ITIH5: variants seen among roughly 807,000 people sequenced by gnomAD.
ITIH5 encodes inter-alpha-trypsin inhibitor heavy chain 5.
ITIH5 carries 65 observed loss-of-function variants against 77.5 expected under a neutral mutation model. The observed-to-expected ratio is 0.84, with a 90% CI of 0.69 to 1.03. The LOEUF (loss-of-function observed/expected upper bound fraction) is 1.03, where lower values mean the gene tolerates loss of function less well. Ranked by LOEUF, ITIH5 falls within the 50% of genes least tolerant of loss-of-function variation. The probability of loss-of-function intolerance (pLI) is 0.00; values close to 1 mark genes in which losing one functional copy is unlikely to be tolerated. For synonymous variants in ITIH5, 525 were observed against 494.3 expected, an observed-to-expected ratio of 1.06 and a Z score of -0.82; for missense variants, 1,208 against 1,213.1, an observed-to-expected ratio of 1.00 and a Z score of 0.06.
chr10:7,654,871 G>T (rs968395317), intron 2 of ITIH5, among the ~76,000 whole-genome samples: 11 of 152,172 alleles, frequency 7.2e-5, no homozygotes, highest in Admixed American at 2.6e-4. Flanking sequence ...AAACATGAAA[G>T]AAGGAATACT....
At chr10:7,620,312 A>G (rs1185321202) in intron 5 of ITIH5, 1 of 152,254 alleles carries the variant, frequency 6.6e-6, no homozygotes, top group Non-Finnish European at 1.5e-5. Flanking sequence ...GTTGAACCTC[A>G]CAGTCTTCTT....
At chr10:7,563,527 T>C (rs957616434) in intron 13 of ITIH5, 143 bp from the exon 14 acceptor site, 2 of 708,736 alleles carry the variant, frequency 2.8e-6, no homozygotes, top group East Asian at 2.7e-5. Context: ...TGGAAGAACA[T>C]GTGCTCTGGG....
rs138148846 is a variant in ITIH5, at chr10:7,649,257, T to G, written c.135+6374A>C. The stretch of plus-strand genomic sequence containing the variant: ...TCCTTCTTTCTTCTTCCTCCTTTCT[T>G]CTTTCTTCCCCCTTCTTCTTCTTAT... On this transcript the variant is annotated intron_variant, in intron 2 of 13. Transcript: ENST00000397146. Among the ~76,000 whole-genome samples the G allele has an allele frequency of 9.1e-3, 1,383 of 152,110 alleles. 21 individuals are homozygous for G. Among genetic ancestry groups the G allele is most frequent in the African/African-American group, 0.031 (1,289 of 41,446 alleles).
chr10:7,616,926 G>C (rs11812212), intron 6 of ITIH5, among the ~76,000 whole-genome samples, 187 bp downstream of exon 6: 26,495 of 152,104 alleles, frequency 0.17, 2,502 homozygotes, highest in Admixed American at 0.26. Context: ...GCAGATTACT[G>C]AAGCTGGAAA....
chr10:7,582,734 C>T (rs1278082692), intron 8 of ITIH5, among the ~76,000 whole-genome samples: 2 of 152,140 alleles, frequency 1.3e-5, no homozygotes, highest in African/African-American at 4.8e-5. Context: ...TTAAGCCAGG[C>T]ACAGAAAGAC....
intron 7 of ITIH5, among the ~76,000 whole-genome samples, chr10:7,610,325 A>G (rs970394703): frequency 6.6e-6 from 1 of 152,140 alleles, no homozygotes; most frequent in African/African-American, 2.4e-5. Flanking sequence ...AGAACCAGAA[A>G]ATGCCAGAGG....
chr10:7,586,430 G>T (rs184076055), intron 7 of ITIH5, among the ~76,000 whole-genome samples: 3 of 152,304 alleles, frequency 2.0e-5, no homozygotes, highest in East Asian at 3.9e-4. Flanking sequence ...AGGCAAGTGT[G>T]CAAATTCTCT....
intron 10 of ITIH5, among the ~76,000 whole-genome samples, chr10:7,574,350 C>A (rs1832363506): frequency 6.6e-6 from 1 of 152,058 alleles, no homozygotes; most frequent in African/African-American, 2.4e-5. Context: ...GTGATCTGGG[C>A]AGAATGTAGA....
chr10:7,622,492 GT>G lies in ITIH5; in HGVS notation c.653-5211del, dbSNP rs754788818. The G allele has an allele frequency of 2.6e-5, 4 of 152,036 alleles. No individual in the cohort carries two copies. The South Asian group carries it at 8.3e-4, about 32-fold the overall frequency. The allele number at this position is 152,036 out of a possible 1,614,324, so 9.4% of individuals were successfully genotyped here. ...TCCATCCTCTTCCCCTTCAGAAGTA[GT>G]TTTTTGTACTTTGTCCATTATGAAA... On this transcript the variant is annotated intron_variant, in intron 5 of 13. Coordinates refer to ENST00000397146, the MANE Select transcript of ITIH5 (RefSeq NM_030569.7).
At chr10:7,659,578 G>A (rs1192618625) in intron 1 of ITIH5, among the ~76,000 whole-genome samples, 1 of 152,090 alleles carries the variant, frequency 6.6e-6, no homozygotes, top group Admixed American at 6.6e-5. Flanking sequence ...TGGTCAGAAG[G>A]AAAGCCCAGC....
Position 7,566,143 on chromosome 10 carries a change from G to T in ITIH5, c.2414C>A (p.Ala805Asp). 1 of 1,614,112 alleles carries T rather than the reference G, an allele frequency of 6.2e-7. No homozygotes were observed. The highest frequency in any genetic ancestry group is 8.5e-7 in the Non-Finnish European group (1 of 1,180,034). Residue 805 changes from alanine to aspartate, a missense_variant, in exon 13 of 14, where the codon GCC (alanine) becomes GAC (aspartate). Physicochemically the swap from Ala to Asp is moderately radical, Grantham distance 126. Coordinates refer to ENST00000397146, the MANE Select transcript of ITIH5 (RefSeq NM_030569.7). Reference protein sequence around the residue: ...NVTVTIQGSIAFVILIHLYKK... With the variant: ...NVTVTIQGSIDFVILIHLYKK... ...GTAGAGGTGGATGAGGATGACAAAG[G>T]CTATGGAGCCCTGGATGGTGACGGT...
chr10:7,600,016 T>C (rs183620981), intron 7 of ITIH5, among the ~76,000 whole-genome samples: 1 of 152,316 alleles, frequency 6.6e-6, no homozygotes, highest in African/African-American at 2.4e-5. Flanking sequence ...TTTCTTATCT[T>C]CCTTATTTGT....
rs5782989 is a variant in ITIH5 at position 7,610,069 on chromosome 10, C to CTT, written c.939+5911_939+5912dup. Among the ~76,000 whole-genome samples, 625 of 86,726 alleles carry CTT rather than the reference C, an allele frequency of 7.2e-3. 6 individuals are homozygous for CTT. Among genetic ancestry groups the CTT allele is most frequent in the Middle Eastern group, 0.022 (4 of 186 alleles). 56.9% of individuals were successfully genotyped at this position (86,726 alleles called of 152,430 possible). ...CCTCCCTTTCTTTTTTTTCTTTTTT[C>CTT]TTTTTTTTTTTTTTTTTTGGCTCTT... On this transcript the variant is annotated intron_variant, in intron 7 of 13. Coordinates refer to ENST00000397146, the MANE Select transcript of ITIH5 (RefSeq NM_030569.7).
At chr10:7,605,769 T>TTCCACGTTTGTTC (rs148424609) in intron 7 of ITIH5, among the ~76,000 whole-genome samples, 5 of 151,964 alleles carry the variant, frequency 3.3e-5, no homozygotes, top group Non-Finnish European at 5.9e-5. Context: ...TGATAAGCAC[T>TTCCACGTTTGTTC]TCTCATTTAA....
In ITIH5 at chr10:7,666,869, G is replaced by GCA; in HGVS notation, c.22_23dup (p.Leu9AlafsTer38). 1 of 1,599,320 alleles carries GCA rather than the reference G, an allele frequency of 6.3e-7. No individual in the cohort carries two copies. The highest frequency in any genetic ancestry group is 1.1e-5 in the South Asian group (1 of 89,204). ...ACCCCACACACAGGGACAGCCCCAG[G>GCA]CACAGCCCCAGCAGCAGGAGCATGG... On this transcript the variant is annotated frameshift_variant, in exon 1 of 14. Transcript: ENST00000397146. LOFTEE classifies it high-confidence loss of function.
chr10:7,637,731 T>C (rs1370946589), intron 4 of ITIH5, among the ~76,000 whole-genome samples: 2 of 152,136 alleles, frequency 1.3e-5, no homozygotes, highest in Non-Finnish European at 2.9e-5. Flanking sequence ...GTCCTACCTC[T>C]CCCTGAGACA....
At chr10:7,615,033 G>T (rs1216033819) in intron 7 of ITIH5, among the ~76,000 whole-genome samples, 1 of 152,166 alleles carries the variant, frequency 6.6e-6, no homozygotes, top group Non-Finnish European at 1.5e-5. Context: ...GGATACCTAA[G>T]GTCAGGAGTT....
chr10:7,586,110 A>AT, intron 7 of ITIH5, 41 bp from the exon 8 acceptor site: 2 of 1,566,122 alleles, frequency 1.3e-6, no homozygotes, highest in East Asian at 4.5e-5. Context: ...AGCTGCTCAC[A>AT]TAAGTCCACT....
At chr10:7,657,068 G>T (rs538565320) in intron 1 of ITIH5, among the ~76,000 whole-genome samples, 1 of 94,724 alleles carries the variant, frequency 1.1e-5, no homozygotes, top group Admixed American at 1.2e-4. Flanking sequence ...TTTTTTAGAC[G>T]GAGTCTTGTT....
Sources: gnomAD v4.1 joint callset for allele counts (sites outside exome capture counted in the v4.1 genomes callset) on GRCh38, gnomAD v4.1.1 for gene constraint, MANE v1.5 for transcripts, NCBI Gene and HGNC (gene_info 2026-07-23, HGNC 2026-07-21) for gene names.